DDX19A: variants seen among roughly 807,000 people sequenced by gnomAD.
The protein encoded by DDX19A is ATP-dependent RNA helicase DDX19A.
DDX19A carries 12 observed loss-of-function variants against 60.6 expected under a neutral mutation model. The observed-to-expected ratio is 0.20, with a 90% CI of 0.13 to 0.32. The LOEUF is 0.32. Among genes scored for constraint, DDX19A ranks in the 10% least tolerant of loss-of-function variants. The pLI is 1.00. For synonymous variants in DDX19A, 206 were observed against 218.2 expected (o/e 0.94, Z 0.49); for missense variants, 337 against 600.6 (o/e 0.56, Z 4.59).
At chr16:70,371,206 G>GTTC (rs1964677462) in intron 10 of DDX19A, 166 bp from the exon 11 acceptor site, 1 of 1,198,418 alleles carries the variant, frequency 8.3e-7, no homozygotes, top group Non-Finnish European at 1.2e-6. Context: ...TTTCCTCTGG[G>GTTC]TTCTGTTGCC....
rs1338694829 is a variant in DDX19A at position 70,371,926 on chromosome 16, T to G, written c.1377T>G (p.Asn459Lys). ...GAGACTTGTGTATCTTTCCCCCAGA[T>G]AAGAAGATAGAAAGATTGGACACAG... The part of the protein sequence containing the change: ...NILNRIQEHF[N>K]KKIERLDTDD... Residue 459 changes from asparagine to lysine, a missense_variant and splice_region_variant, in exon 12 of 12, where the codon AAT becomes AAG. Asn to Lys is a moderately conservative substitution (Grantham distance 94). Around this residue, in one of 6 missense-constraint regions of DDX19A, gnomAD observed 29 missense variants for 51.2 expected, o/e 0.57. Coordinates refer to ENST00000302243, the MANE Select transcript of DDX19A (RefSeq NM_018332.5). The G allele has an allele frequency of 1.2e-6, 2 of 1,613,910 alleles. No individual in the cohort carries two copies. The highest frequency in any genetic ancestry group is 2.2e-5 in the South Asian group (2 of 91,076).
intron 5 of DDX19A, 154 bp from the exon 6 acceptor site, chr16:70,364,389 A>C (rs553570636): frequency 1.6e-6 from 1 of 607,622 alleles, no homozygotes; most frequent in South Asian, 2.1e-5. Flanking sequence ...AGCGTATAAA[A>C]AAATGTATGA....
intron 10 of DDX19A, chr16:70,371,093 G>A (rs1325602304): frequency 2.9e-5 from 17 of 576,798 alleles, no homozygotes; most frequent in Middle Eastern, 4.7e-4. Flanking sequence ...GGTAGAGAAC[G>A]GAGCCTACTC....
At chr16:70,347,651 T>C (rs1018273631) in intron 1 of DDX19A, among the ~76,000 whole-genome samples, 1 of 152,204 alleles carries the variant, frequency 6.6e-6, no homozygotes, top group African/African-American at 2.4e-5. Context: ...ACCTAAACTT[T>C]AGGTTTGTTT....
intron 6 of DDX19A, 83 bp from the exon 7 acceptor site, chr16:70,364,934 C>G (rs945236668): frequency 6.5e-5 from 68 of 1,038,826 alleles, no homozygotes; most frequent in Non-Finnish European, 9.1e-5. Flanking sequence ...TATTCAAGTG[C>G]TAATAACATC....
In DDX19A at chr16:70,373,152, C is replaced by T. The variant is rs1049625827; in HGVS notation, c.*1166C>T. On this transcript the variant is annotated 3_prime_UTR_variant, in exon 12 of 12. Transcript: ENST00000302243. ...TCGGGAGGCTGAGGTAGGAGGATCG[C>T]TTGAGCCTGGGTAGAGGCTGCTGTG... 4 of 152,292 alleles carry T rather than the reference C, an allele frequency of 2.6e-5. No homozygotes were observed. Among genetic ancestry groups the T allele is most frequent in the African/African-American group, 9.6e-5 (4 of 41,546 alleles). The allele number at this position is 152,292 out of a possible 1,614,324, so 9.4% of individuals were successfully genotyped here. A position where few individuals can be genotyped will look rare whatever the true frequency, so the allele number is the denominator to read the frequency against.
chr16:70,357,362 G>GTTTTTTTTTTTTTTTTTTT (rs1248365917), intron 4 of DDX19A, among the ~76,000 whole-genome samples: 7 of 48,876 alleles, frequency 1.4e-4, no homozygotes, highest in African/African-American at 5.6e-4. Context: ...TCTGTTTTTG[G>GTTTTTTTTTTTTTTTTTTT]TTTGTTTTTT....
intron 4 of DDX19A, among the ~76,000 whole-genome samples, chr16:70,357,367 T>G (rs1489686938): frequency 1.1e-4 from 2 of 18,362 alleles, no homozygotes; most frequent in African/African-American, 3.0e-4. Context: ...TTTTGGTTTG[T>G]TTTTTTTTTT....
At chr16:70,368,952 T>C (rs1480587025) in intron 9 of DDX19A, among the ~76,000 whole-genome samples, 1 of 152,020 alleles carries the variant, frequency 6.6e-6, no homozygotes, top group Non-Finnish European at 1.5e-5. Flanking sequence ...CCACAACCTC[T>C]GCCTCCCGGG....
intron 4 of DDX19A, among the ~76,000 whole-genome samples, chr16:70,357,271 ATAT>A (rs1407727613): frequency 0.17 from 11,106 of 64,390 alleles, 995 homozygotes; most frequent in African/African-American, 0.3. Context: ...AAAAAAAAAA[ATAT>A]ATATATATAT....
chr16:70,361,866 G>T (rs1964371836), intron 5 of DDX19A, among the ~76,000 whole-genome samples: 1 of 152,012 alleles, frequency 6.6e-6, no homozygotes, highest in Non-Finnish European at 1.5e-5. Flanking sequence ...GCAAAACCCT[G>T]TCTCTACTAA....
chr16:70,372,776 A>G lies in DDX19A; in HGVS notation c.*790A>G, dbSNP rs558941423. ...TCAGTCACGGCAGCCAGGAGACCCC[A>G]GGTGAGTTTCTGAGCGCATACGTAG... is the stretch of plus-strand genomic sequence containing the variant. On this transcript the variant is annotated 3_prime_UTR_variant, in exon 12 of 12. Transcript: ENST00000302243. The G allele has an allele frequency of 1.8e-4, 28 of 152,376 alleles. No homozygotes were observed. The highest frequency in any genetic ancestry group is 1.6e-3 in the Admixed American group (24 of 15,272). 9.4% of individuals were successfully genotyped at this position (152,376 alleles called of 1,614,324 possible). A position where few individuals can be genotyped will look rare whatever the true frequency, so the allele number is the denominator to read the frequency against.
chr16:70,368,775 G>C (rs1412148173), intron 9 of DDX19A, among the ~76,000 whole-genome samples: 1 of 152,088 alleles, frequency 6.6e-6, no homozygotes, highest in East Asian at 1.9e-4. Context: ...GTTGCATTTA[G>C]TTGTCATGTC....
chr16:70,356,798 C>CA (rs1425339282), intron 4 of DDX19A: 19 of 1,039,176 alleles, frequency 1.8e-5, no homozygotes, highest in Non-Finnish European at 2.4e-5. Flanking sequence ...TTTAATGCTT[C>CA]AAATTGATTT....
In DDX19A at chr16:70,350,602, A is replaced by G; in HGVS notation, c.103A>G (p.Asn35Asp). ...GGAAGAGAAAGTCAAAGCAGATACC[A>G]ATGGTGAGTCACTAGTAACTACAAG... is the stretch of plus-strand genomic sequence containing the variant. ...IKEEKVKADT[N>D]GIIKTSTTAE... is the part of the protein sequence containing the mutation. Residue 35 changes from asparagine to aspartate, a missense_variant, in exon 2 of 12, where the codon AAT becomes GAT. By Grantham distance (23) the Asn-to-Asp change is conservative. This residue lies in a region of DDX19A where 127 missense variants were observed against 160.3 expected (regional missense o/e 0.79). Transcript: ENST00000302243. 3 of 1,611,068 alleles carry G rather than the reference A, an allele frequency of 1.9e-6. No homozygotes were observed. Among genetic ancestry groups the G allele is most frequent in the Non-Finnish European group, 2.5e-6 (3 of 1,178,304 alleles).
chr16:70,349,482 A>G (rs1963947529), intron 1 of DDX19A, among the ~76,000 whole-genome samples: 1 of 152,230 alleles, frequency 6.6e-6, no homozygotes, highest in Non-Finnish European at 1.5e-5. Flanking sequence ...CCCAAAGTCC[A>G]AGTTCGCAGG....
chr16:70,359,685 A>C (rs1239723011), intron 4 of DDX19A, among the ~76,000 whole-genome samples: 1 of 149,900 alleles, frequency 6.7e-6, no homozygotes, highest in Non-Finnish European at 1.5e-5. Context: ...GTGAAACCTT[A>C]TCTCTACAAA....
intron 10 of DDX19A, 165 bp downstream of exon 10, chr16:70,370,550 G>GT: frequency 8.4e-7 from 1 of 1,194,894 alleles, no homozygotes; most frequent in African/African-American, 1.5e-5. Context: ...CCCTGAGGTG[G>GT]TAAGAACTCA....
intron 1 of DDX19A, chr16:70,348,085 C>T (rs1963895667): frequency 2.8e-6 from 1 of 360,274 alleles, no homozygotes; most frequent in South Asian, 2.0e-5. Context: ...GAAGTGATGG[C>T]TAATAGAAAT....
Sources: allele counts gnomAD v4.1 joint callset (sites outside exome capture counted in the v4.1 genomes callset), GRCh38; gene constraint gnomAD v4.1.1; regional missense constraint gnomAD v4.1.1; transcripts MANE v1.5; gene names NCBI Gene and HGNC (gene_info 2026-07-23, HGNC 2026-07-21).